The following COL26A1 variants were observed in gnomAD, a reference collection of about 807,000 sequenced individuals.
The protein encoded by COL26A1 is collagen alpha-1(XXVI) chain.
A neutral mutation model predicts 59.3 loss-of-function variants in COL26A1; 41 were observed. The observed-to-expected ratio is 0.69, with a 90% CI of 0.54 to 0.90. The LOEUF (loss-of-function observed/expected upper bound fraction) is 0.90, where lower values mean the gene tolerates loss of function less well. Among genes scored for constraint, COL26A1 ranks in the 40% least tolerant of loss-of-function variants. COL26A1 has a pLI of 0.00. For synonymous variants in COL26A1, 266 were observed against 256.0 expected, an observed-to-expected ratio of 1.04 and a Z score of -0.37; for missense variants, 612 against 602.3, an observed-to-expected ratio of 1.02 and a Z score of -0.17.
intron 5 of COL26A1, among the ~76,000 whole-genome samples, chr7:101,542,113 C>T (rs1054644725): frequency 2.3e-4 from 35 of 152,024 alleles, no homozygotes; most frequent in African/African-American, 7.7e-4. Context: ...ATTACAGGCA[C>T]GCACCACCAA....
chr7:101,549,534 C>G lies in COL26A1; in HGVS notation c.993+311C>G, dbSNP rs113678746. Among the ~76,000 whole-genome samples, 792 of 152,246 alleles carry G rather than the reference C, an allele frequency of 5.2e-3. 7 individuals are homozygous for G. The highest frequency in any genetic ancestry group is 0.017 in the African/African-American group (705 of 41,544). The stretch of plus-strand genomic sequence containing the variant: ...TAGCCGGGACCACAGGCGCACGCCA[C>G]CACGCCCAGCTAATTTTTGTATTTT... On this transcript the variant is annotated intron_variant, in intron 9 of 12. Transcript: ENST00000313669.
At chr7:101,529,455 G>C (rs1795319553) in intron 3 of COL26A1, among the ~76,000 whole-genome samples, 1 of 151,986 alleles carries the variant, frequency 6.6e-6, no homozygotes, top group African/African-American at 2.4e-5. Context: ...TTTTAGTAGA[G>C]ACAGGGTTTC....
At chr7:101,531,587 G>A (rs990620078) in intron 3 of COL26A1, among the ~76,000 whole-genome samples, 11 of 152,106 alleles carry the variant, frequency 7.2e-5, no homozygotes, top group African/African-American at 2.7e-4. Flanking sequence ...GGGAAGGAGG[G>A]AGAGGGGCCC....
intron 2 of COL26A1, among the ~76,000 whole-genome samples, chr7:101,429,719 A>C (rs998526403): frequency 6.7e-6 from 1 of 149,704 alleles, no homozygotes; most frequent in Non-Finnish European, 1.5e-5. Flanking sequence ...CAGCCTCCCG[A>C]GTAGCTGAGA....
chr7:101,463,721 C>T (rs1793676045), intron 3 of COL26A1, among the ~76,000 whole-genome samples: 1 of 120,916 alleles, frequency 8.3e-6, no homozygotes, highest in Non-Finnish European at 1.7e-5. Context: ...TTCTTTTTTC[C>T]CCTCCCTCTC....
chr7:101,448,392 GA>G (rs1793252128), intron 3 of COL26A1, among the ~76,000 whole-genome samples: 1 of 152,204 alleles, frequency 6.6e-6, no homozygotes, highest in Non-Finnish European at 1.5e-5. Flanking sequence ...GCTGGCCAGG[GA>G]AATTGAGTCC....
rs1275450796 is a variant in COL26A1 at position 101,488,912 on chromosome 7, G to T, written c.385+41125G>T. 3.3e-5 allele frequency among the ~76,000 whole-genome samples: 5 copies of T among 152,136 alleles called. No individual in the cohort carries two copies. In the East Asian group the frequency reaches 9.6e-4, roughly 29 times the overall value. Reference sequence around the variant, plus strand: ...CTGTAAAGTTGTGCAGTAATCATGAGAATGGATTTTTGTCCACGTTCCTGT... The same window carrying T: ...CTGTAAAGTTGTGCAGTAATCATGATAATGGATTTTTGTCCACGTTCCTGT... On this transcript the variant is annotated intron_variant, in intron 3 of 12. Transcript: ENST00000313669.
intron 2 of COL26A1, among the ~76,000 whole-genome samples, chr7:101,445,055 G>T (rs540014115): frequency 6.6e-6 from 1 of 151,112 alleles, no homozygotes; most frequent in South Asian, 2.1e-4. Flanking sequence ...TGGCCAGGCT[G>T]GTCTCGAACT....
At chr7:101,515,348 G>A (rs527512492) in intron 3 of COL26A1, among the ~76,000 whole-genome samples, 5 of 151,138 alleles carry the variant, frequency 3.3e-5, no homozygotes, top group East Asian at 4.0e-4. Flanking sequence ...GTGCAGTGGC[G>A]CGATCGGCTC....
At chr7:101,460,685 G>A (rs2130424441) in intron 3 of COL26A1, among the ~76,000 whole-genome samples, 1 of 152,126 alleles carries the variant, frequency 6.6e-6, no homozygotes, top group South Asian at 2.1e-4. Flanking sequence ...GGAGGCTGAG[G>A]CAGAAGAATC....
At chr7:101,531,803 T>C (rs1263202927) in intron 3 of COL26A1, among the ~76,000 whole-genome samples, 1 of 151,974 alleles carries the variant, frequency 6.6e-6, no homozygotes, top group Non-Finnish European at 1.5e-5. Context: ...CAGGGAACAT[T>C]TCAAGGTGAT....
intron 2 of COL26A1, among the ~76,000 whole-genome samples, chr7:101,443,573 A>G (rs1793112520): frequency 6.6e-6 from 1 of 152,180 alleles, no homozygotes; most frequent in Non-Finnish European, 1.5e-5. Flanking sequence ...GAAGTTATGT[A>G]GTTTTGTCTT....
chr7:101,472,757 C>T (rs1418574432), intron 3 of COL26A1, among the ~76,000 whole-genome samples: 2 of 152,170 alleles, frequency 1.3e-5, no homozygotes, highest in East Asian at 1.9e-4. Context: ...CCATAAACAC[C>T]GCAATCTGTG....
At chr7:101,532,996 C>A (rs1026116726) in intron 3 of COL26A1, 86 bp from the exon 4 acceptor site, 20 of 992,176 alleles carry the variant, frequency 2.0e-5, no homozygotes, top group Non-Finnish European at 2.6e-5. Flanking sequence ...TGCTTGCCTG[C>A]CTGCCCAGAG....
chr7:101,502,922 C>G (rs1794735198), intron 3 of COL26A1, among the ~76,000 whole-genome samples: 1 of 152,164 alleles, frequency 6.6e-6, no homozygotes, highest in African/African-American at 2.4e-5. Context: ...TGGTGTCCGC[C>G]CAGTGACTTT....
intron 3 of COL26A1, among the ~76,000 whole-genome samples, chr7:101,512,827 C>G (rs1373769578): frequency 6.6e-6 from 1 of 151,904 alleles, no homozygotes; most frequent in Admixed American, 6.6e-5. Flanking sequence ...CCACCTCATT[C>G]ACAGATTAGA....
rs1024397052 is a variant in COL26A1, at chr7:101,428,928, T to TTC, written c.281+8830_281+8831insCT. On this transcript the variant is annotated intron_variant, in intron 2 of 12. Transcript: ENST00000313669. ...ATCAATTTTCTTTTTCTTTCTTTCT[T>TTC]TTTTTTTTTTTTCTTGAGACGGAGT... Among the ~76,000 whole-genome samples the TTC allele has an allele frequency of 1.3e-3, 194 of 144,878 alleles. 3 individuals are homozygous for TTC. The highest frequency in any genetic ancestry group is 3.1e-4 in the Non-Finnish European group (21 of 67,052).
chr7:101,380,116 C>T (rs549771234), intron 1 of COL26A1, among the ~76,000 whole-genome samples: 15 of 152,002 alleles, frequency 9.9e-5, no homozygotes, highest in African/African-American at 2.7e-4. Flanking sequence ...CTCAGCATCC[C>T]GAGTAGCTGG....
At chr7:101,504,089 T>A (rs1794757384) in intron 3 of COL26A1, among the ~76,000 whole-genome samples, 1 of 152,090 alleles carries the variant, frequency 6.6e-6, no homozygotes, top group South Asian at 2.1e-4. Flanking sequence ...CTACCCCAGC[T>A]GAGCCCCAAC....
Sources: allele counts gnomAD v4.1 joint callset (sites outside exome capture counted in the v4.1 genomes callset), GRCh38; gene constraint gnomAD v4.1.1; transcripts MANE v1.5; gene names NCBI Gene and HGNC (gene_info 2026-07-23, HGNC 2026-07-21).